The following MYO1D variants were observed in gnomAD, a reference collection of about 807,000 sequenced individuals.
MYO1D encodes unconventional myosin-Id.
MYO1D carries 83 observed loss-of-function variants against 122.0 expected under a neutral mutation model. The observed-to-expected ratio is 0.68, with a 90% confidence interval of 0.57 to 0.82. The LOEUF (loss-of-function observed/expected upper bound fraction) is 0.82, where lower values mean the gene tolerates loss of function less well. MYO1D is among the 40% of genes least tolerant of loss of function. The probability of loss-of-function intolerance (pLI) is 0.00; values close to 1 mark genes in which losing one functional copy is unlikely to be tolerated. For synonymous variants in MYO1D, 464 were observed against 446.9 expected (o/e 1.04, Z -0.48); for missense variants, 1,157 against 1,269.5 (o/e 0.91, Z 1.35).
Position 32,579,073 on chromosome 17 carries a change from CT to C in MYO1D, c.2864+26013del, listed in dbSNP as rs2087304363. On this transcript the variant is annotated intron_variant, in intron 21 of 21. Transcript: ENST00000318217. The stretch of plus-strand genomic sequence containing the variant: ...TTTTTTATTTTTTATTTTCTTTTCC[CT>C]TTTTCTTTTTTTGAGATAGGGTCTT... Among the ~76,000 whole-genome samples the C allele has an allele frequency of 2.0e-5, 3 of 151,998 alleles. No homozygotes were observed. The South Asian group carries it at 6.2e-4, about 32-fold the overall frequency.
chr17:32,833,297 C>T (rs984839470), intron 1 of MYO1D, among the ~76,000 whole-genome samples: 8 of 152,238 alleles, frequency 5.3e-5, no homozygotes, highest in Admixed American at 2.6e-4. Context: ...AGAAGCCACC[C>T]GTCTTCAAAG....
chr17:32,842,289 C>G (rs2090890345), intron 1 of MYO1D, among the ~76,000 whole-genome samples: 1 of 152,062 alleles, frequency 6.6e-6, no homozygotes, highest in Non-Finnish European at 1.5e-5. Flanking sequence ...AATAGAATGG[C>G]ATTCTGGGAG....
At chr17:32,567,869 C>T (rs1260036810) in intron 21 of MYO1D, among the ~76,000 whole-genome samples, 5 of 152,146 alleles carry the variant, frequency 3.3e-5, no homozygotes, top group Non-Finnish European at 5.9e-5. Context: ...TCAGTCTCCA[C>T]GTCCAATTAA....
At chr17:32,638,361 GTAATATTT>G (rs1009598675) in intron 20 of MYO1D, among the ~76,000 whole-genome samples, 1 of 152,054 alleles carries the variant, frequency 6.6e-6, no homozygotes, top group African/African-American at 2.4e-5. Flanking sequence ...AAGAGAAAAA[GTAATATTT>G]TAAGTAATCC....
chr17:32,579,957 T>A (rs1195945891), intron 21 of MYO1D, among the ~76,000 whole-genome samples: 1 of 152,260 alleles, frequency 6.6e-6, no homozygotes, highest in African/African-American at 2.4e-5. Context: ...CATTTGTGTA[T>A]GTCTTTATAT....
intron 21 of MYO1D, among the ~76,000 whole-genome samples, chr17:32,580,908 G>C (rs926130907): frequency 2.0e-5 from 3 of 152,140 alleles, no homozygotes; most frequent in Non-Finnish European, 1.5e-5. Flanking sequence ...TTGGTCTGTA[G>C]TTTTCTTTTC....
chr17:32,850,919 T>C (rs2090980905), intron 1 of MYO1D, among the ~76,000 whole-genome samples: 1 of 128,832 alleles, frequency 7.8e-6, no homozygotes, highest in African/African-American at 2.8e-5. Flanking sequence ...TAAGAATACT[T>C]ATGAAAACTT....
In MYO1D at chr17:32,760,159, T is replaced by C. The variant is rs1962013; in HGVS notation, c.1296+131A>G. The C allele has an allele frequency of 3.6e-3, 3,011 of 838,456 alleles. 18 individuals carry two copies. The highest frequency in any genetic ancestry group is 5.6e-3 in the South Asian group (419 of 74,878). 51.9% of individuals were successfully genotyped at this position (838,456 alleles called of 1,614,324 possible). ...TGATGAAATTAATTGTATTTACATA[T>C]CCCAAAAAGGAAAGCTAAGGTTCAG... On this transcript the variant is annotated intron_variant, in intron 10 of 21. Coordinates refer to ENST00000318217, the MANE Select transcript of MYO1D (RefSeq NM_015194.3).
intron 21 of MYO1D, among the ~76,000 whole-genome samples, chr17:32,588,957 C>T (rs1212941126): frequency 1.6e-5 from 2 of 126,914 alleles, no homozygotes; most frequent in African/African-American, 3.1e-5. Context: ...AACAAACAAA[C>T]AAACAAATAA....
chr17:32,775,750 A>G, intron 4 of MYO1D, 114 bp downstream of exon 4: 1 of 902,460 alleles, frequency 1.1e-6, no homozygotes, highest in Non-Finnish European at 1.6e-6. Context: ...GCTAATGAAG[A>G]AGGGAGAATA....
intron 16 of MYO1D, among the ~76,000 whole-genome samples, chr17:32,707,715 G>A (rs764926100): frequency 7.2e-5 from 11 of 152,220 alleles, no homozygotes; most frequent in Non-Finnish European, 1.5e-4. Context: ...TTGGTTTACT[G>A]TGTTTAAACT....
At chr17:32,656,131 C>G (rs551387325) in intron 17 of MYO1D, among the ~76,000 whole-genome samples, 17 of 152,270 alleles carry the variant, frequency 1.1e-4, no homozygotes, top group African/African-American at 3.4e-4. Context: ...TCTCTTCTGC[C>G]ACAGGAGCTT....
intron 21 of MYO1D, among the ~76,000 whole-genome samples, chr17:32,602,233 T>C (rs566001271): frequency 1.3e-5 from 2 of 152,318 alleles, no homozygotes; most frequent in South Asian, 4.1e-4. Flanking sequence ...CTAATTCTAG[T>C]ATCTTTGTCT....
chr17:32,707,691 C>T (rs2089326115), intron 16 of MYO1D, among the ~76,000 whole-genome samples: 1 of 152,136 alleles, frequency 6.6e-6, no homozygotes, highest in African/African-American at 2.4e-5. Flanking sequence ...CAAAACTTTC[C>T]CTAAGTAATA....
At chr17:32,541,978 G>A (rs1035488575) in intron 21 of MYO1D, among the ~76,000 whole-genome samples, 14 of 151,702 alleles carry the variant, frequency 9.2e-5, no homozygotes, top group African/African-American at 2.2e-4. Context: ...TTCCTCCTCC[G>A]TGTTTCCTCA....
intron 1 of MYO1D, among the ~76,000 whole-genome samples, chr17:32,844,589 G>A (rs934980294): frequency 6.6e-6 from 1 of 151,754 alleles, no homozygotes; most frequent in Admixed American, 6.6e-5. Context: ...TGGGCATGGT[G>A]GCACATGCCT....
chr17:32,629,323 CA>C (rs1333466789), intron 20 of MYO1D, among the ~76,000 whole-genome samples: 1 of 152,076 alleles, frequency 6.6e-6, no homozygotes, highest in Non-Finnish European at 1.5e-5. Context: ...ATACATTTGC[CA>C]AAACCTACAG....
At chr17:32,709,475 A>G (rs9912761) in intron 16 of MYO1D, among the ~76,000 whole-genome samples, 28,816 of 152,112 alleles carry the variant, frequency 0.19, 2,885 homozygotes, top group Middle Eastern at 0.3. Context: ...ACAGAGAAGA[A>G]CAGATACTTG....
chr17:32,497,620 G>A, intron 21 of MYO1D: 1 of 152,496 alleles, frequency 6.6e-6, no homozygotes, highest in Non-Finnish European at 1.5e-5. Flanking sequence ...GTCCTGTGGA[G>A]TACTTGCTGC....
Sources: allele counts gnomAD v4.1 joint callset (sites outside exome capture counted in the v4.1 genomes callset), GRCh38; gene constraint gnomAD v4.1.1; transcripts MANE v1.5; gene names NCBI Gene and HGNC (gene_info 2026-07-23, HGNC 2026-07-21).